Variants in INSC observed in about 807,000 individuals in gnomAD.
INSC encodes protein inscuteable homolog.
In INSC, 67 loss-of-function variants were observed where a neutral mutation model predicts 58.6. The ratio of observed to expected loss-of-function variants is 1.14; its 90% confidence interval spans 0.94 to 1.40. The LOEUF (loss-of-function observed/expected upper bound fraction) is 1.40, where lower values mean the gene tolerates loss of function less well. Ranked by LOEUF, INSC falls within the 40% of genes most tolerant of loss-of-function variation. The pLI is 0.00. For synonymous variants in INSC, 262 were observed against 276.1 expected (o/e 0.95, Z 0.51); for missense variants, 714 against 692.0 (o/e 1.03, Z -0.36).
chr11:15,190,918 G>GCAT (rs1223050043), intron 6 of INSC, 104 bp downstream of exon 6: 2 of 728,610 alleles, frequency 2.7e-6, no homozygotes, highest in African/African-American at 3.5e-5. Context: ...CTTGGCCCCT[G>GCAT]CATTAGCTGC....
chr11:15,138,134 ATTAG>A (rs1038407552), intron 1 of INSC, among the ~76,000 whole-genome samples: 1 of 148,092 alleles, frequency 6.8e-6, no homozygotes, highest in African/African-American at 2.5e-5. Context: ...TACAAAACTT[ATTAG>A]TTAAGTTTGC....
intron 4 of INSC, among the ~76,000 whole-genome samples, chr11:15,178,012 A>C (rs1017590867): frequency 2.6e-5 from 4 of 152,164 alleles, no homozygotes; most frequent in Non-Finnish European, 5.9e-5. Flanking sequence ...CCAACATCAC[A>C]GAGAAGATAG....
At chr11:15,241,096 T>C (rs773426905) in intron 12 of INSC, among the ~76,000 whole-genome samples, 6 of 152,114 alleles carry the variant, frequency 3.9e-5, no homozygotes, top group Non-Finnish European at 1.5e-5. Context: ...CCAACTTCTT[T>C]TTGCTAGGGG....
At chr11:15,186,982 A>T (rs1350653171) in intron 5 of INSC, among the ~76,000 whole-genome samples, 1 of 152,180 alleles carries the variant, frequency 6.6e-6, no homozygotes, top group Non-Finnish European at 1.5e-5. Context: ...GCAACAACAG[A>T]TGTGGTATTC....
intron 2 of INSC, among the ~76,000 whole-genome samples, chr11:15,172,458 G>A (rs929062042): frequency 6.6e-6 from 1 of 152,182 alleles, no homozygotes; most frequent in Non-Finnish European, 1.5e-5. Flanking sequence ...CTGGCAATAA[G>A]CCAGGCACAA....
At chr11:15,268,681 G>A in the INSC span, among the ~76,000 whole-genome samples, 1 of 152,072 alleles carries the variant, frequency 6.6e-6, no homozygotes, top group Non-Finnish European at 1.5e-5. Flanking sequence ...AAGAAATTAA[G>A]TACTTTAAGC....
At chr11:15,269,407 T>C in the INSC span, among the ~76,000 whole-genome samples, 1 of 152,056 alleles carries the variant, frequency 6.6e-6, no homozygotes, top group East Asian at 1.9e-4. Context: ...CCCAACCATC[T>C]TTAGGCACTT....
chr11:15,225,701 C>A lies in INSC; in HGVS notation c.1043C>A (p.Ala348Asp), dbSNP rs1390668504. 27 of 1,614,060 alleles carry A rather than the reference C, an allele frequency of 1.7e-5. No individual in the cohort carries two copies. The highest frequency in any genetic ancestry group is 2.1e-5 in the Non-Finnish European group (25 of 1,180,036). ...SGEVFLLASAALANITFFDTM... is the reference protein window; with the variant it reads ...SGEVFLLASADLANITFFDTM... ...GAAGTCTTCCTACTGGCCTCTGCGG[C>A]CCTTGCCAACATCACGTTCTTTGAC... Residue 348 changes from alanine to aspartate, a missense_variant, in exon 9 of 13, where the codon GCC becomes GAC. By Grantham distance (126) the Ala-to-Asp change is moderately radical (BLOSUM62 -2). Transcript: ENST00000379556.
At chr11:15,258,313 C>T in the INSC span, among the ~76,000 whole-genome samples, 1 of 152,132 alleles carries the variant, frequency 6.6e-6, no homozygotes, top group Admixed American at 6.5e-5. Flanking sequence ...GGGTCAGAGA[C>T]TGAAGATGCT....
In INSC at chr11:15,175,933, C is replaced by A; in HGVS notation, c.249C>A (p.Val83=). The A allele has an allele frequency of 6.2e-7, 1 of 1,614,174 alleles. No individual in the cohort carries two copies. Among genetic ancestry groups the A allele is most frequent in the Non-Finnish European group, 8.5e-7 (1 of 1,180,014 alleles). The change falls in exon 3 of 13, where the codon GTC becomes GTA. Residue 83 remains valine (V), a synonymous_variant. Transcript: ENST00000379556. ...AGCTGCTGCTCAAACGGGGTTGGGT[C>A]ATTAGCACAGAGCTGCGCAGGATCG... ...PLQLLLKRGW[V]ISTELRRIGQ...
chr11:15,245,941 C>T lies in INSC; in HGVS notation c.1500C>T (p.Cys500=), dbSNP rs558894401. 13 of 1,614,064 alleles carry T rather than the reference C, an allele frequency of 8.1e-6. No homozygotes were observed. The highest frequency in any genetic ancestry group is 2.7e-5 in the African/African-American group (2 of 74,930). ...LAALRRLAGV[C]PEGLQDSDFQ... ...CTCTGCGTAGATTGGCTGGGGTCTGCCCTGAAGGCCTCCAGGACTCTGACT... is the reference window on the plus strand; with the variant it reads ...CTCTGCGTAGATTGGCTGGGGTCTGTCCTGAAGGCCTCCAGGACTCTGACT... The change falls in exon 13 of 13, where the codon TGC becomes TGT. Residue 500 remains cysteine, a synonymous_variant. Transcript: ENST00000379556.
At chr11:15,194,256 C>T (rs1353496482) in intron 6 of INSC, among the ~76,000 whole-genome samples, 1 of 152,136 alleles carries the variant, frequency 6.6e-6, no homozygotes, top group East Asian at 1.9e-4. Context: ...GAGACAGAAC[C>T]AGGGATCTAA....
intron 2 of INSC, 152 bp from the exon 3 acceptor site, chr11:15,175,589 T>G: frequency 3.8e-6 from 2 of 521,152 alleles, no homozygotes; most frequent in Non-Finnish European, 6.3e-6. Flanking sequence ...ATGAAGAGAA[T>G]GAGAAATGAC....
At chr11:15,188,714 G>T (rs758108689) in intron 5 of INSC, among the ~76,000 whole-genome samples, 1 of 152,178 alleles carries the variant, frequency 6.6e-6, no homozygotes, top group African/African-American at 2.4e-5. Flanking sequence ...GACTTAAATT[G>T]TCTAATATTA....
the INSC span, among the ~76,000 whole-genome samples, chr11:15,259,750 G>A: frequency 6.6e-6 from 1 of 152,130 alleles, no homozygotes; most frequent in Non-Finnish European, 1.5e-5. Context: ...CAAATTTCAT[G>A]ACTATTAAGC....
intron 2 of INSC, among the ~76,000 whole-genome samples, chr11:15,170,201 G>A (rs1277695109): frequency 6.6e-6 from 1 of 151,876 alleles, no homozygotes; most frequent in East Asian, 1.9e-4. Context: ...ATTTCAATCT[G>A]CAGTTGGTTG....
At position 15,231,416 on chromosome 11, in the gene INSC, A is replaced by G. The variant is rs1281999704; in HGVS notation, c.1171-4186A>G. Among the ~76,000 whole-genome samples, 4 of 152,202 alleles carry G rather than the reference A, an allele frequency of 2.6e-5. No individual in the cohort carries two copies. The East Asian group carries it at 7.7e-4, about 29-fold the overall frequency. On this transcript the variant is annotated intron_variant, in intron 9 of 12. Coordinates refer to ENST00000379556, the MANE Select transcript of INSC (RefSeq NM_001042536.3). ...TGAGCTAAAAAGAAAAATCACGCACAAAAAAATCTCATAATGTTTTAAGAA... is the reference window on the plus strand; with the variant it reads ...TGAGCTAAAAAGAAAAATCACGCACGAAAAAATCTCATAATGTTTTAAGAA...
chr11:15,209,503 G>A (rs753384695), intron 7 of INSC, among the ~76,000 whole-genome samples: 2 of 151,860 alleles, frequency 1.3e-5, no homozygotes, highest in Admixed American at 6.6e-5. Flanking sequence ...CCTCCTTCCC[G>A]ACTGTGATCC....
chr11:15,210,653 A>G (rs1226593186), intron 7 of INSC, among the ~76,000 whole-genome samples: 2 of 152,146 alleles, frequency 1.3e-5, no homozygotes, highest in South Asian at 2.1e-4. Flanking sequence ...GTCTGATGAA[A>G]ACACAGTGCT....
Sources: gnomAD v4.1 joint callset for allele counts (sites outside exome capture counted in the v4.1 genomes callset) on GRCh38, gnomAD v4.1.1 for gene constraint, MANE v1.5 for transcripts, NCBI Gene and HGNC (gene_info 2026-07-23, HGNC 2026-07-21) for gene names.